The following SLC66A3 variants were observed in gnomAD, a reference collection of about 807,000 sequenced individuals.
The protein encoded by SLC66A3 is PQ loop repeat containing 3.
In SLC66A3, 23 loss-of-function variants were observed where a neutral mutation model predicts 25.5. That is an observed-to-expected ratio of 0.90 (90% CI 0.65 to 1.28). The LOEUF is 1.28. SLC66A3 is among the 50% of genes most tolerant of loss of function. The pLI, the probability that SLC66A3 is intolerant of heterozygous loss-of-function variation, is 0.00. For missense variants in SLC66A3, 246 were observed against 262.1 expected (o/e 0.94, Z 0.42); for synonymous variants, 108 against 112.6 (o/e 0.96, Z 0.26).
intron 4 of SLC66A3, among the ~76,000 whole-genome samples, chr2:11,171,018 T>C (rs1662533120): frequency 6.6e-6 from 1 of 152,058 alleles, no homozygotes; most frequent in Non-Finnish European, 1.5e-5. Flanking sequence ...AATCTGTGAG[T>C]TATAAATAAA....
At chr2:11,172,195 T>C (rs1217934138) in intron 5 of SLC66A3, 150 bp downstream of exon 5, 2 of 586,616 alleles carry the variant, frequency 3.4e-6, no homozygotes, top group Admixed American at 3.6e-5. Context: ...AGTGTATCCA[T>C]GTTTACAAAG....
chr2:11,156,852 TTGGTGCCACCACCAGGC>T (rs1363118671), intron 1 of SLC66A3, among the ~76,000 whole-genome samples: 2 of 151,924 alleles, frequency 1.3e-5, no homozygotes, highest in East Asian at 3.9e-4. Context: ...GCGTTTCAGG[TTGGTGCCACCACCAGGC>T]TGGGAGCAGA....
intron 4 of SLC66A3, among the ~76,000 whole-genome samples, chr2:11,164,910 A>G (rs1662263982): frequency 6.6e-6 from 1 of 152,248 alleles, no homozygotes; most frequent in Admixed American, 6.5e-5. Flanking sequence ...AGTACAGAAC[A>G]AAATGGAGTC....
intron 4 of SLC66A3, among the ~76,000 whole-genome samples, chr2:11,166,800 C>T (rs1662360185): frequency 1.3e-5 from 2 of 152,192 alleles, no homozygotes; most frequent in Admixed American, 1.3e-4. Context: ...GAGACTGAGT[C>T]AGGAGAATCG....
In SLC66A3 at chr2:11,178,849, A is replaced by G. The variant is rs1662864522; in HGVS notation, c.*1021A>G. On this transcript the variant is annotated 3_prime_UTR_variant, in exon 7 of 7. Coordinates refer to ENST00000295083, the MANE Select transcript of SLC66A3 (RefSeq NM_152391.5). Reference sequence around the variant, plus strand: ...TTTCCTATGCAAAATAAATTTTCATATTTTGAATTCTGCTGAGTCTTAAAA... The same window carrying G: ...TTTCCTATGCAAAATAAATTTTCATGTTTTGAATTCTGCTGAGTCTTAAAA... The G allele has an allele frequency of 6.6e-6, 1 of 151,996 alleles. No individual in the cohort carries two copies. Among genetic ancestry groups the G allele is most frequent in the African/African-American group, 2.4e-5 (1 of 41,302 alleles). The allele number at this position is 151,996 out of a possible 1,614,324, so 9.4% of individuals were successfully genotyped here. A position where few individuals can be genotyped will look rare whatever the true frequency, so the allele number is the denominator to read the frequency against.
intron 1 of SLC66A3, among the ~76,000 whole-genome samples, chr2:11,159,801 G>A (rs1318929863): frequency 1.3e-5 from 2 of 152,164 alleles, no homozygotes; most frequent in African/African-American, 4.8e-5. Flanking sequence ...GTGAGGGGGA[G>A]GCAGGAAGCT....
chr2:11,176,816 C>T (rs1275464232), intron 6 of SLC66A3, among the ~76,000 whole-genome samples: 1 of 152,110 alleles, frequency 6.6e-6, no homozygotes, highest in Non-Finnish European at 1.5e-5. Context: ...GCGTGAGCCA[C>T]CGCGCCCGGC....
intron 3 of SLC66A3, among the ~76,000 whole-genome samples, chr2:11,161,434 C>T (rs1662126595): frequency 6.6e-6 from 1 of 151,976 alleles, no homozygotes; most frequent in Non-Finnish European, 1.5e-5. Flanking sequence ...GTAGCTTGGA[C>T]TATTGAAGAA....
chr2:11,167,473 C>T (rs1383897207), intron 4 of SLC66A3, among the ~76,000 whole-genome samples: 1 of 152,174 alleles, frequency 6.6e-6, no homozygotes, highest in Non-Finnish European at 1.5e-5. Flanking sequence ...GAATCAAGTT[C>T]AGGGGTCAAG....
chr2:11,168,498 A>G (rs1385962678), intron 4 of SLC66A3, among the ~76,000 whole-genome samples: 1 of 152,150 alleles, frequency 6.6e-6, no homozygotes, highest in Non-Finnish European at 1.5e-5. Context: ...TCTAGCAGGC[A>G]AGCTTGTGTT....
chr2:11,160,539 A>G lies in SLC66A3; in HGVS notation c.217A>G (p.Ile73Val), dbSNP rs766277007. Reference sequence around the variant, plus strand: ...GACCTACCTGGAGTACCCCATCCTCATCGCGCAAGGTAACAGCCCCTTCCC... The same window carrying G: ...GACCTACCTGGAGTACCCCATCCTCGTCGCGCAAGGTAACAGCCCCTTCCC... ...PLTYLEYPIL[I>V]AQDVILLLCI... is the part of the protein sequence containing the mutation. The change falls in exon 2 of 7, where the codon ATC becomes GTC. Residue 73 changes from isoleucine to valine, a missense_variant. Ile to Val is a conservative substitution (Grantham distance 29). Coordinates refer to ENST00000295083, the MANE Select transcript of SLC66A3 (RefSeq NM_152391.5). 5 of 1,613,930 alleles carry G rather than the reference A, an allele frequency of 3.1e-6. No individual in the cohort carries two copies. In the East Asian group the frequency reaches 1.1e-4, roughly 36 times the overall value.
intron 1 of SLC66A3, 77 bp from the exon 2 acceptor site, chr2:11,160,389 C>T (rs1389455360): frequency 2.3e-5 from 30 of 1,278,854 alleles, no homozygotes; most frequent in Non-Finnish European, 3.1e-5. Context: ...AAACTGACCT[C>T]AGTGTTCTGG....
At chr2:11,158,864 C>A (rs1169582210) in intron 1 of SLC66A3, among the ~76,000 whole-genome samples, 1 of 152,210 alleles carries the variant, frequency 6.6e-6, no homozygotes, top group Non-Finnish European at 1.5e-5. Flanking sequence ...ACTGTCCCCA[C>A]CCCACCTCCC....
chr2:11,161,352 C>T (rs552048731), intron 3 of SLC66A3, among the ~76,000 whole-genome samples: 1 of 151,840 alleles, frequency 6.6e-6, no homozygotes, highest in South Asian at 2.1e-4. Flanking sequence ...GATCAAAGCT[C>T]ACTGCAGCCT....
At chr2:11,167,893 G>A (rs772998558) in intron 4 of SLC66A3, among the ~76,000 whole-genome samples, 18 of 152,294 alleles carry the variant, frequency 1.2e-4, no homozygotes, top group African/African-American at 2.9e-4. Context: ...ACCCGAGATC[G>A]TTCCCCCAGA....
intron 4 of SLC66A3, among the ~76,000 whole-genome samples, chr2:11,165,050 C>G (rs1158632877): frequency 6.6e-6 from 1 of 152,258 alleles, no homozygotes; most frequent in Admixed American, 6.5e-5. Context: ...CTGTTGGGTA[C>G]ACCTCCCAGA....
intron 6 of SLC66A3, among the ~76,000 whole-genome samples, chr2:11,176,390 AT>A (rs1413028647): frequency 2.0e-5 from 3 of 151,418 alleles, no homozygotes. Context: ...TAATTTTTGT[AT>A]TTTTAGTAGA....
intron 1 of SLC66A3, among the ~76,000 whole-genome samples, chr2:11,158,734 C>A (rs1457821268): frequency 6.6e-6 from 1 of 151,316 alleles, no homozygotes; most frequent in Non-Finnish European, 1.5e-5. Context: ...GCAGGAGAAC[C>A]GCTGGAACCC....
intron 4 of SLC66A3, among the ~76,000 whole-genome samples, chr2:11,168,695 C>T (rs554622779): frequency 8.4e-4 from 128 of 152,216 alleles, no homozygotes; most frequent in African/African-American, 2.9e-3. Context: ...CCTGATTGCA[C>T]AAGAGCCCCT....
Sources: allele counts gnomAD v4.1 joint callset (sites outside exome capture counted in the v4.1 genomes callset), GRCh38; gene constraint gnomAD v4.1.1; transcripts MANE v1.5; gene names NCBI Gene and HGNC (gene_info 2026-07-23, HGNC 2026-07-21).